CDH20: variants seen among roughly 807,000 people sequenced by gnomAD.
The protein encoded by CDH20 is cadherin 20, also known as cadherin-20.
A neutral mutation model predicts 74.2 loss-of-function variants in CDH20; 29 were observed. The ratio of observed to expected loss-of-function variants is 0.39; its 90% CI spans 0.29 to 0.53. CDH20 has a LOEUF of 0.53. Ranked by LOEUF, CDH20 falls within the 20% of genes least tolerant of loss-of-function variation. CDH20 has a pLI of 0.69. For missense variants in CDH20, 988 were observed against 1,048.3 expected (o/e 0.94, Z 0.79); for synonymous variants, 469 against 405.4 (o/e 1.16, Z -1.88).
rs142652683 is a variant in CDH20 at position 61,380,705 on chromosome 18, A to G, written c.-153+46878A>G. 7.5e-3 allele frequency among the ~76,000 whole-genome samples: 1,141 copies of G among 152,184 alleles called. 8 individuals are homozygous for G. Among genetic ancestry groups the G allele is most frequent in the Middle Eastern group, 0.031 (9 of 294 alleles). The stretch of plus-strand genomic sequence containing the variant: ...ATGCCTGTAATCCCAGCTACTTGGG[A>G]GGCTGAGGCAGGAGAATCGCTTGAA... On this transcript the variant is annotated intron_variant, in intron 1 of 11. Coordinates refer to ENST00000262717, the MANE Select transcript of CDH20 (RefSeq NM_031891.4).
intron 1 of CDH20, among the ~76,000 whole-genome samples, chr18:61,411,153 A>C (rs1458394981): frequency 2.0e-5 from 3 of 151,556 alleles, no homozygotes; most frequent in South Asian, 2.1e-4. Flanking sequence ...GAGCCGAGAT[A>C]CGCCACTGCA....
chr18:61,435,048 A>G (rs913313709), intron 1 of CDH20, among the ~76,000 whole-genome samples: 2 of 152,148 alleles, frequency 1.3e-5, no homozygotes, highest in Non-Finnish European at 2.9e-5. Flanking sequence ...CCCCCATATT[A>G]CAGACAACTT....
intron 1 of CDH20, among the ~76,000 whole-genome samples, chr18:61,344,092 T>C (rs1284901210): frequency 1.3e-5 from 2 of 152,206 alleles, no homozygotes; most frequent in Non-Finnish European, 2.9e-5. Flanking sequence ...CCTTGTAAAC[T>C]ACTCTGTGTA....
chr18:61,551,012 G>A (rs1044768655), intron 11 of CDH20, among the ~76,000 whole-genome samples: 4 of 152,168 alleles, frequency 2.6e-5, no homozygotes, highest in African/African-American at 9.7e-5. Flanking sequence ...GGGTCAGTTT[G>A]CCTCTGCTGA....
rs117541347 is a variant in CDH20 at position 61,461,349 on chromosome 18, C to A, written c.-152-29053C>A. Among the ~76,000 whole-genome samples the A allele has an allele frequency of 6.6e-3, 770 of 116,712 alleles. 9 individuals are homozygous for A. The highest frequency in any genetic ancestry group is 0.03 in the Middle Eastern group (6 of 202). The allele number at this position is 116,712 out of a possible 152,430, so 76.6% of individuals were successfully genotyped here. A position where few individuals can be genotyped will look rare whatever the true frequency, so the allele number is the denominator to read the frequency against. On this transcript the variant is annotated intron_variant, in intron 1 of 11. Transcript: ENST00000262717. Reference sequence around the variant, plus strand: ...GACTTAAAAAAAAAAAAAAAAAAAACCAGAAATTTATTTTCTCAGTTCTGG... The same window carrying A: ...GACTTAAAAAAAAAAAAAAAAAAAAACAGAAATTTATTTTCTCAGTTCTGG...
intron 6 of CDH20, among the ~76,000 whole-genome samples, chr18:61,513,933 T>C (rs1599138374): frequency 6.6e-6 from 1 of 151,938 alleles, no homozygotes; most frequent in Non-Finnish European, 1.5e-5. Context: ...GCCCTTAACA[T>C]TTTTTCCTTC....
At chr18:61,372,036 A>G (rs1157861519) in intron 1 of CDH20, among the ~76,000 whole-genome samples, 1 of 152,128 alleles carries the variant, frequency 6.6e-6, no homozygotes, top group East Asian at 1.9e-4. Flanking sequence ...AAAACATGAG[A>G]TTGGAGTTTA....
intron 1 of CDH20, among the ~76,000 whole-genome samples, chr18:61,417,538 A>C (rs1469190746): frequency 1.3e-5 from 2 of 149,646 alleles, no homozygotes; most frequent in Non-Finnish European, 3.0e-5. Context: ...GCCAGGCACA[A>C]AAAGAAAAAT....
chr18:61,517,090 C>T (rs1912027405), intron 6 of CDH20, among the ~76,000 whole-genome samples: 1 of 152,100 alleles, frequency 6.6e-6, no homozygotes, highest in Non-Finnish European at 1.5e-5. Context: ...ATTATACCCC[C>T]ACAAAAAAAC....
At chr18:61,546,748 C>T (rs1192784980) in intron 10 of CDH20, among the ~76,000 whole-genome samples, 1 of 152,186 alleles carries the variant, frequency 6.6e-6, no homozygotes, top group African/African-American at 2.4e-5. Flanking sequence ...AAAGATGGGC[C>T]ACCGGCACTG....
At chr18:61,538,156 G>A (rs1036948803) in intron 8 of CDH20, among the ~76,000 whole-genome samples, 3 of 152,164 alleles carry the variant, frequency 2.0e-5, no homozygotes, top group South Asian at 2.1e-4. Context: ...AAATAAATGT[G>A]CAGTGTTATC....
At chr18:61,362,745 G>T (rs1910740503) in intron 1 of CDH20, among the ~76,000 whole-genome samples, 1 of 151,958 alleles carries the variant, frequency 6.6e-6, no homozygotes, top group Non-Finnish European at 1.5e-5. Context: ...CTACATAGTA[G>T]ACTTAGTATG....
At chr18:61,383,572 C>A (rs767652527) in intron 1 of CDH20, among the ~76,000 whole-genome samples, 3 of 151,732 alleles carry the variant, frequency 2.0e-5, no homozygotes, top group Non-Finnish European at 4.4e-5. Flanking sequence ...CAGAGCTAGG[C>A]TCTGTCTAAA....
At chr18:61,418,549 GT>G (rs1468795705) in intron 1 of CDH20, among the ~76,000 whole-genome samples, 1 of 84,662 alleles carries the variant, frequency 1.2e-5, no homozygotes, top group African/African-American at 5.0e-5. Flanking sequence ...GCGAGACTCT[GT>G]CTCAAAAAAA....
At chr18:61,447,066 G>A (rs928639687) in intron 1 of CDH20, among the ~76,000 whole-genome samples, 6 of 152,232 alleles carry the variant, frequency 3.9e-5, no homozygotes, top group African/African-American at 1.2e-4. Context: ...AGAATGCAAA[G>A]TAGTTCTATA....
Position 61,360,871 on chromosome 18 carries a change from A to G in CDH20, c.-153+27044A>G, listed in dbSNP as rs185894817. Among the ~76,000 whole-genome samples, 474 of 152,332 alleles carry G rather than the reference A, an allele frequency of 3.1e-3. 3 individuals are homozygous for G. Among genetic ancestry groups the G allele is most frequent in the African/African-American group, 0.011 (437 of 41,588 alleles). ...ATCAAAACCGTAAATGTCTTCCCAC[A>G]TTCAATACTTCCTCTTTCTGTTTTA... On this transcript the variant is annotated intron_variant, in intron 1 of 11. Transcript: ENST00000262717.
At chr18:61,544,932 C>A in intron 9 of CDH20, 95 bp from the exon 10 acceptor site, 1 of 797,382 alleles carries the variant, frequency 1.3e-6, no homozygotes, top group Non-Finnish European at 2.2e-6. Flanking sequence ...TAAGGTAAAA[C>A]ATCCCACCAT....
At chr18:61,409,381 CTCCTTCAACACGG>C (rs1912425864) in intron 1 of CDH20, among the ~76,000 whole-genome samples, 1 of 152,178 alleles carries the variant, frequency 6.6e-6, no homozygotes, top group South Asian at 2.1e-4. Context: ...CTGGGACAGG[CTCCTTCAACACGG>C]TCCTGTGGCA....
intron 1 of CDH20, among the ~76,000 whole-genome samples, chr18:61,451,072 A>G (rs1410637091): frequency 3.3e-5 from 5 of 151,946 alleles, no homozygotes. Context: ...ATATTTTGAT[A>G]TATATTGCTA....
Sources: gnomAD v4.1 joint callset for allele counts (sites outside exome capture counted in the v4.1 genomes callset) on GRCh38, gnomAD v4.1.1 for gene constraint, MANE v1.5 for transcripts, NCBI Gene and HGNC (gene_info 2026-07-23, HGNC 2026-07-21) for gene names.